Variants in RSRC1 observed in about 807,000 individuals in gnomAD.
RSRC1 encodes serine/Arginine-related protein 53.
A neutral mutation model predicts 49.1 loss-of-function variants in RSRC1; 39 were observed. The ratio of observed to expected loss-of-function variants is 0.79; its 90% confidence interval spans 0.61 to 1.04. RSRC1 has a LOEUF of 1.04. Among genes scored for constraint, RSRC1 ranks in the 50% least tolerant of loss-of-function variants. The pLI is 0.00. For synonymous variants in RSRC1, 143 were observed against 130.8 expected (o/e 1.09, Z -0.63); for missense variants, 388 against 402.4 (o/e 0.96, Z 0.31).
At chr3:158,210,526 A>T (rs1721618074) in intron 4 of RSRC1, among the ~76,000 whole-genome samples, 1 of 151,940 alleles carries the variant, frequency 6.6e-6, no homozygotes, top group African/African-American at 2.4e-5. Flanking sequence ...GCAGGTAAAC[A>T]AATACATCTT....
intron 7 of RSRC1, among the ~76,000 whole-genome samples, chr3:158,480,571 C>A (rs1403470914): frequency 6.6e-6 from 1 of 151,888 alleles, no homozygotes; most frequent in African/African-American, 2.4e-5. Context: ...AACATCATGG[C>A]CCGCATATCA....
chr3:158,382,819 T>C (rs1443851124), intron 6 of RSRC1, among the ~76,000 whole-genome samples: 1 of 152,226 alleles, frequency 6.6e-6, no homozygotes, highest in Non-Finnish European at 1.5e-5. Flanking sequence ...ATTGTTTTTA[T>C]ATTTTTATGA....
intron 4 of RSRC1, among the ~76,000 whole-genome samples, chr3:158,207,662 T>TAGACAGAC (rs145209495): frequency 1.3e-5 from 2 of 148,946 alleles, no homozygotes; most frequent in African/African-American, 4.9e-5. Context: ...GATAGATAGA[T>TAGACAGAC]AGACAGAGAG....
chr3:158,119,072 A>G (rs1405393106), intron 1 of RSRC1, among the ~76,000 whole-genome samples: 1 of 152,096 alleles, frequency 6.6e-6, no homozygotes, highest in Non-Finnish European at 1.5e-5. Context: ...TTTCTCCCCA[A>G]AATAAACGTT....
chr3:158,313,250 A>T (rs528909616), intron 5 of RSRC1, among the ~76,000 whole-genome samples: 2 of 152,270 alleles, frequency 1.3e-5, no homozygotes, highest in Admixed American at 1.3e-4. Context: ...TTGTGTAATT[A>T]CTTGAGACCA....
At chr3:158,256,235 C>T (rs1478077952) in intron 4 of RSRC1, among the ~76,000 whole-genome samples, 2 of 151,998 alleles carry the variant, frequency 1.3e-5, no homozygotes, top group East Asian at 3.9e-4. Context: ...AGATACGTTC[C>T]TCAATACCTA....
At chr3:158,185,000 G>A (rs1719845297) in intron 3 of RSRC1, among the ~76,000 whole-genome samples, 1 of 146,598 alleles carries the variant, frequency 6.8e-6, no homozygotes, top group Admixed American at 6.9e-5. Flanking sequence ...TTCGGAGTTT[G>A]ATTTTACAAT....
chr3:158,350,166 AT>A (rs1560005487), intron 5 of RSRC1, among the ~76,000 whole-genome samples: 2 of 130,496 alleles, frequency 1.5e-5, no homozygotes. Context: ...ACAGAAATAT[AT>A]ATATATATAT....
chr3:158,476,111 T>C (rs1738354987), intron 7 of RSRC1, among the ~76,000 whole-genome samples: 1 of 152,136 alleles, frequency 6.6e-6, no homozygotes, highest in African/African-American at 2.4e-5. Context: ...AGCTACAACA[T>C]TCCCTTACGT....
intron 7 of RSRC1, among the ~76,000 whole-genome samples, chr3:158,491,455 G>A (rs530600750): frequency 6.6e-6 from 1 of 152,086 alleles, no homozygotes; most frequent in East Asian, 1.9e-4. Context: ...TTTTGTTTTG[G>A]TTTGGTTTGG....
intron 6 of RSRC1, among the ~76,000 whole-genome samples, chr3:158,360,558 C>T (rs1731409554): frequency 6.6e-6 from 1 of 152,248 alleles, no homozygotes; most frequent in South Asian, 2.1e-4. Flanking sequence ...AACCCTCCAC[C>T]TTCAGCTTCA....
intron 4 of RSRC1, among the ~76,000 whole-genome samples, chr3:158,281,135 T>C (rs1726136906): frequency 6.6e-6 from 1 of 152,048 alleles, no homozygotes; most frequent in Non-Finnish European, 1.5e-5. Flanking sequence ...ACTTAAGAGG[T>C]AGAATCAATA....
chr3:158,344,893 A>G (rs1249812890), intron 5 of RSRC1, among the ~76,000 whole-genome samples: 1 of 152,124 alleles, frequency 6.6e-6, no homozygotes, highest in Non-Finnish European at 1.5e-5. Flanking sequence ...AAAGCCAATA[A>G]GCCAACAAGG....
intron 5 of RSRC1, among the ~76,000 whole-genome samples, chr3:158,310,549 A>G (rs1728070765): frequency 6.6e-6 from 1 of 151,834 alleles, no homozygotes; most frequent in African/African-American, 2.4e-5. Flanking sequence ...GGGAGTTGTA[A>G]TCAAGTACTA....
At chr3:158,541,920 ATTAG>A (rs1239911925) in intron 8 of RSRC1, among the ~76,000 whole-genome samples, 1 of 152,148 alleles carries the variant, frequency 6.6e-6, no homozygotes, top group Non-Finnish European at 1.5e-5. Context: ...ACAATGATTT[ATTAG>A]TTGTATCCCC....
chr3:158,282,166 T>G (rs945940977), intron 4 of RSRC1, among the ~76,000 whole-genome samples: 1 of 152,114 alleles, frequency 6.6e-6, no homozygotes, highest in Admixed American at 6.5e-5. Context: ...AATAATTAAG[T>G]TGGGAAATGG....
At chr3:158,399,956 A>T (rs750212349) in intron 6 of RSRC1, among the ~76,000 whole-genome samples, 20 of 152,200 alleles carry the variant, frequency 1.3e-4, no homozygotes, top group Non-Finnish European at 2.6e-4. Context: ...AAGAAAGAAC[A>T]GTGAAAACAT....
chr3:158,200,394 A>C (rs1163339235), intron 3 of RSRC1, among the ~76,000 whole-genome samples: 3 of 152,172 alleles, frequency 2.0e-5, no homozygotes, highest in Non-Finnish European at 4.4e-5. Context: ...TATTTTGTAG[A>C]TAGCATGTAG....
At chr3:158,544,038 A>G (rs1012498742) in intron 9 of RSRC1, 145 bp from the exon 10 acceptor site, 1 of 555,580 alleles carries the variant, frequency 1.8e-6, no homozygotes. Flanking sequence ...ATAGATAGTC[A>G]TCAATTAAGA....
Sources: gnomAD v4.1 joint callset for allele counts (sites outside exome capture counted in the v4.1 genomes callset) on GRCh38, gnomAD v4.1.1 for gene constraint, MANE v1.5 for transcripts, NCBI Gene and HGNC (gene_info 2026-07-23, HGNC 2026-07-21) for gene names.